Variants in HAX1 observed in about 807,000 individuals in gnomAD.
HAX1 encodes HCLS1-associated protein X-1.
A neutral mutation model predicts 31.1 loss-of-function variants in HAX1; 27 were observed. The ratio of observed to expected loss-of-function variants is 0.87; its 90% CI spans 0.64 to 1.20. The LOEUF is 1.20. Ranked by LOEUF, HAX1 falls within the 50% of genes most tolerant of loss-of-function variation. HAX1 has a pLI of 0.00. For missense variants in HAX1, 357 were observed against 361.6 expected, an observed-to-expected ratio of 0.99 and a Z score of 0.10; for synonymous variants, 114 against 124.1, an observed-to-expected ratio of 0.92 and a Z score of 0.54.
intron 1 of HAX1, 159 bp from the exon 2 acceptor site, chr1:154,273,175 CTG>C (rs1385306011): frequency 1.7e-6 from 1 of 602,690 alleles, no homozygotes; most frequent in African/African-American, 1.9e-5. Flanking sequence ...AAAAAAAGAA[CTG>C]TCAGCCATTG....
At position 154,273,516 on chromosome 1, in the gene HAX1, C is replaced by T. The variant is rs2149139815; in HGVS notation, c.234C>T (p.Asn78=). The part of the protein sequence containing the change: ...SPGGGIRFHD[N]FGFDDLVRDF... Reference sequence around the variant, plus strand: ...GAGGAGGGATACGTTTCCACGATAACTTCGGCTTTGATGACCTAGTACGAG... The same window carrying T: ...GAGGAGGGATACGTTTCCACGATAATTTCGGCTTTGATGACCTAGTACGAG... The change falls in exon 2 of 7, where the codon AAC becomes AAT. Residue 78 remains asparagine, a synonymous_variant. Coordinates refer to ENST00000328703, the MANE Select transcript of HAX1 (RefSeq NM_006118.4). 1.9e-6 allele frequency: 3 copies of T among 1,614,196 alleles called. No individual in the cohort carries two copies. Among genetic ancestry groups the T allele is most frequent in the Non-Finnish European group, 2.5e-6 (3 of 1,180,032 alleles).
In HAX1 at chr1:154,273,323, C is replaced by T; in HGVS notation, c.54-13C>T. 6.2e-7 allele frequency: 1 copy of T among 1,613,806 alleles called. No homozygotes were observed. The highest frequency in any genetic ancestry group is 1.1e-5 in the South Asian group (1 of 91,066). On this transcript the variant is annotated splice_polypyrimidine_tract_variant and intron_variant, in intron 1 of 6. Transcript: ENST00000328703. ...TGCTGAAATATTGGTGGCCAATCTG[C>T]CTCCACTCTCAGCCACAGAGATCCC...
At chr1:154,274,841 A>G (rs753180714) in intron 3 of HAX1, 109 bp from the exon 4 acceptor site, 15 of 768,066 alleles carry the variant, frequency 2.0e-5, no homozygotes, top group South Asian at 5.7e-5. Flanking sequence ...GAATGGAATT[A>G]TCTCTTCTGT....
chr1:154,272,656 T>C lies in HAX1; in HGVS notation c.-68T>C. On this transcript the variant is annotated 5_prime_UTR_variant, in exon 1 of 7. Coordinates refer to ENST00000328703, the MANE Select transcript of HAX1 (RefSeq NM_006118.4). Reference sequence around the variant, plus strand: ...CGCCTCGCTCAATTTCTCACAGGGCTGCGCAGGTTTCCCCCGTCTGCGAAT... The same window carrying C: ...CGCCTCGCTCAATTTCTCACAGGGCCGCGCAGGTTTCCCCCGTCTGCGAAT... 1 of 1,500,198 alleles carries C rather than the reference T, an allele frequency of 6.7e-7. No individual in the cohort carries two copies. The highest frequency in any genetic ancestry group is 2.3e-5 in the East Asian group (1 of 44,256). 92.9% of individuals were successfully genotyped at this position (1,500,198 alleles called of 1,614,324 possible).
At chr1:154,272,845 T>G in intron 1 of HAX1, 69 bp downstream of exon 1, 1 of 1,420,696 alleles carries the variant, frequency 7.0e-7, no homozygotes, top group Non-Finnish European at 9.9e-7. Flanking sequence ...ACGTCTTATT[T>G]TTGGAAAAAC....
At chr1:154,273,083 G>T (rs887492196) in intron 1 of HAX1, 46 of 602,772 alleles carry the variant, frequency 7.6e-5, no homozygotes, top group Non-Finnish European at 5.8e-5. Context: ...GGAGGGACTG[G>T]GGCACACTGA....
intron 4 of HAX1, 47 bp from the exon 5 acceptor site, chr1:154,275,107 C>T: frequency 6.8e-7 from 1 of 1,468,884 alleles, no homozygotes; most frequent in Non-Finnish European, 9.5e-7. Flanking sequence ...CTCCTTTTTT[C>T]CTTTGGACTC....
intron 6 of HAX1, 46 bp from the exon 7 acceptor site, chr1:154,275,570 A>G (rs1303169534): frequency 1.9e-6 from 3 of 1,573,664 alleles, no homozygotes; most frequent in Non-Finnish European, 2.6e-6. Flanking sequence ...GCTTCTGCCT[A>G]GTCTCTTTCA....
intron 5 of HAX1, 37 bp downstream of exon 5, chr1:154,275,297 AG>A (rs1412967831): frequency 1.3e-6 from 2 of 1,557,600 alleles, no homozygotes; most frequent in African/African-American, 1.4e-5. Context: ...AAGTATGGCC[AG>A]GGAACGAATG....
chr1:154,274,054 T>C, intron 3 of HAX1, 93 bp downstream of exon 3: 1 of 1,194,870 alleles, frequency 8.4e-7, no homozygotes, highest in Non-Finnish European at 1.2e-6. Context: ...ACGCCTGTAA[T>C]CCCAGCACTT....
chr1:154,275,821 C>T lies in HAX1; in HGVS notation c.*120C>T, dbSNP rs935747682. On this transcript the variant is annotated 3_prime_UTR_variant, in exon 7 of 7. Transcript: ENST00000328703. ...GGATATGTGGAATAGTGAACTGGGGCCATGTCAGTTTGTCACTCACCCAAA... is the reference window on the plus strand; with the variant it reads ...GGATATGTGGAATAGTGAACTGGGGTCATGTCAGTTTGTCACTCACCCAAA... The T allele has an allele frequency of 1.2e-5, 9 of 739,008 alleles. No individual in the cohort carries two copies. Among genetic ancestry groups the T allele is most frequent in the Non-Finnish European group, 2.2e-5 (9 of 406,390 alleles). 45.8% of individuals were successfully genotyped at this position (739,008 alleles called of 1,614,324 possible). A position where few individuals can be genotyped will look rare whatever the true frequency, so the allele number is the denominator to read the frequency against.
chr1:154,274,186 G>A (rs1684886756), intron 3 of HAX1, among the ~76,000 whole-genome samples: 1 of 152,118 alleles, frequency 6.6e-6, no homozygotes, highest in Non-Finnish European at 1.5e-5. Flanking sequence ...GCAGGTGCCT[G>A]TAATGCCAGC....
Position 154,275,367 on chromosome 1 carries a change from A to G in HAX1, c.664-26A>G, listed in dbSNP as rs375976640. ...GAGCATAACCTTTAGTAACATTCGGAATATGGTGGGGACTTCTCTTTGTAG... is the reference window on the plus strand; with the variant it reads ...GAGCATAACCTTTAGTAACATTCGGGATATGGTGGGGACTTCTCTTTGTAG... On this transcript the variant is annotated intron_variant, in intron 5 of 6. Coordinates refer to ENST00000328703, the MANE Select transcript of HAX1 (RefSeq NM_006118.4). 22 of 1,605,322 alleles carry G rather than the reference A, an allele frequency of 1.4e-5. No individual in the cohort carries two copies. The African/African-American group carries it at 2.5e-4, about 19-fold the overall frequency.
At position 154,275,727 on chromosome 1, in the gene HAX1, A is replaced by C. The variant is rs762580184; in HGVS notation, c.*26A>C. On this transcript the variant is annotated 3_prime_UTR_variant, in exon 7 of 7. Coordinates refer to ENST00000328703, the MANE Select transcript of HAX1 (RefSeq NM_006118.4). ...CCTTGTTAACCCTCAGAGGCCTTCA[A>C]GTCCTTTCCACCTCTCACCCATTGC... 3.1e-5 allele frequency: 46 copies of C among 1,483,162 alleles called. 5 individuals carry two copies. The Admixed American group carries it at 4.9e-4, about 16-fold the overall frequency. 91.9% of individuals were successfully genotyped at this position (1,483,162 alleles called of 1,614,324 possible). A position where few individuals can be genotyped will look rare whatever the true frequency, so the allele number is the denominator to read the frequency against.
rs1684814592 is a variant in HAX1, at chr1:154,272,730, C to G, written c.7C>G (p.Leu3Val). The stretch of plus-strand genomic sequence containing the variant: ...TTCGCGTCCCAGTACGGGAATGAGC[C>G]TCTTTGATCTCTTCCGGGGCTTTTT... MSLFDLFRGFFGF... is the reference protein window; with the variant it reads MSVFDLFRGFFGF... Residue 3 changes from leucine (L) to valine (V), a missense_variant, in exon 1 of 7, where the codon CTC becomes GTC. Transcript: ENST00000328703. 1 of 1,614,040 alleles carries G rather than the reference C, an allele frequency of 6.2e-7. No homozygotes were observed. Among genetic ancestry groups the G allele is most frequent in the Non-Finnish European group, 8.5e-7 (1 of 1,180,034 alleles).
chr1:154,274,609 G>A (rs1684893073), intron 3 of HAX1, among the ~76,000 whole-genome samples: 1 of 152,060 alleles, frequency 6.6e-6, no homozygotes, highest in South Asian at 2.1e-4. Context: ...CCTCCATTTA[G>A]TGTTTTCTGT....
At position 154,272,738 on chromosome 1, in the gene HAX1, T is replaced by A. The variant is rs201078819; in HGVS notation, c.15T>A (p.Asp5Glu). The change falls in exon 1 of 7, where the codon GAT (aspartate) becomes GAA (glutamate). Residue 5 changes from aspartate (D) to glutamate (E), a missense_variant. By Grantham distance (45) the Asp-to-Glu change is conservative (BLOSUM62 2). Coordinates refer to ENST00000328703, the MANE Select transcript of HAX1 (RefSeq NM_006118.4). ...CCAGTACGGGAATGAGCCTCTTTGATCTCTTCCGGGGCTTTTTCGGCTTTC... is the reference window on the plus strand; with the variant it reads ...CCAGTACGGGAATGAGCCTCTTTGAACTCTTCCGGGGCTTTTTCGGCTTTC... MSLF[D>E]LFRGFFGFPG... 3.2e-4 allele frequency: 523 copies of A among 1,614,034 alleles called. No homozygotes were observed. The highest frequency in any genetic ancestry group is 4.1e-4 in the Non-Finnish European group (489 of 1,180,036).
At position 154,272,657 on chromosome 1, in the gene HAX1, G is replaced by C. The variant is rs1290199527; in HGVS notation, c.-67G>C. The C allele has an allele frequency of 4.7e-6, 7 of 1,503,256 alleles. No homozygotes were observed. The highest frequency in any genetic ancestry group is 6.5e-6 in the Non-Finnish European group (7 of 1,080,850). The allele number at this position is 1,503,256 out of a possible 1,614,324, so 93.1% of individuals were successfully genotyped here. ...GCCTCGCTCAATTTCTCACAGGGCT[G>C]CGCAGGTTTCCCCCGTCTGCGAATG... On this transcript the variant is annotated 5_prime_UTR_variant, in exon 1 of 7. Transcript: ENST00000328703.
In HAX1 at chr1:154,273,512, A is replaced by G. The variant is rs1684867624; in HGVS notation, c.230A>G (p.Asp77Gly). Reference protein sequence around the residue: ...FSPGGGIRFHDNFGFDDLVRD... With the variant: ...FSPGGGIRFHGNFGFDDLVRD... ...CCAGGAGGAGGGATACGTTTCCACG[A>G]TAACTTCGGCTTTGATGACCTAGTA... The change falls in exon 2 of 7, where the codon GAT becomes GGT. Residue 77 changes from aspartate to glycine, a missense_variant. Asp to Gly is a moderately conservative substitution (Grantham distance 94). Coordinates refer to ENST00000328703, the MANE Select transcript of HAX1 (RefSeq NM_006118.4). 6 of 1,614,166 alleles carry G rather than the reference A, an allele frequency of 3.7e-6. No individual in the cohort carries two copies. The highest frequency in any genetic ancestry group is 5.1e-6 in the Non-Finnish European group (6 of 1,180,022).
Sources: gnomAD v4.1 joint callset for allele counts (sites outside exome capture counted in the v4.1 genomes callset) on GRCh38, gnomAD v4.1.1 for gene constraint, MANE v1.5 for transcripts, NCBI Gene and HGNC (gene_info 2026-07-23, HGNC 2026-07-21) for gene names.